The following ENTREP2 variants were observed in gnomAD, a reference collection of about 807,000 sequenced individuals.
ENTREP2 encodes the protein protein ENTREP2.
the ENTREP2 span, among the ~76,000 whole-genome samples, chr15:29,599,313 A>G: frequency 1.3e-5 from 2 of 152,226 alleles, no homozygotes; most frequent in Non-Finnish European, 1.5e-5. Context: ...TTAGACTAAT[A>G]AGGATGGAGA....
the ENTREP2 span, among the ~76,000 whole-genome samples, chr15:29,260,871 A>AACATAT: frequency 3.9e-5 from 6 of 152,358 alleles, no homozygotes; most frequent in Admixed American, 2.0e-4. Context: ...AAAAAGCATT[A>AACATAT]TTAGGAATAA....
the ENTREP2 span, among the ~76,000 whole-genome samples, chr15:29,466,938 C>A: frequency 1.6e-5 from 2 of 121,382 alleles, no homozygotes; most frequent in African/African-American, 6.3e-5. Flanking sequence ...GAGGATGCTG[C>A]AGCCCCCAGG....
the ENTREP2 span, among the ~76,000 whole-genome samples, chr15:29,318,529 C>T: frequency 6.6e-6 from 1 of 152,042 alleles, no homozygotes; most frequent in Non-Finnish European, 1.5e-5. Context: ...ACCGTGTTAG[C>T]CAGGATGGTC....
At chr15:29,488,571 T>C in the ENTREP2 span, among the ~76,000 whole-genome samples, 1 of 152,134 alleles carries the variant, frequency 6.6e-6, no homozygotes, top group South Asian at 2.1e-4. Context: ...AGAAGTTCAG[T>C]GAGTTTCAAG....
the ENTREP2 span, among the ~76,000 whole-genome samples, chr15:29,668,374 A>G: frequency 6.6e-6 from 1 of 152,164 alleles, no homozygotes; most frequent in Non-Finnish European, 1.5e-5. Flanking sequence ...AAAAAATTAA[A>G]CATATAATTA....
chr15:29,545,754 T>A, the ENTREP2 span, among the ~76,000 whole-genome samples: 1 of 152,196 alleles, frequency 6.6e-6, no homozygotes, highest in Non-Finnish European at 1.5e-5. Flanking sequence ...TCTGATGAAG[T>A]TAGAATACAT....
chr15:29,652,509 G>C, the ENTREP2 span, among the ~76,000 whole-genome samples: 2 of 152,364 alleles, frequency 1.3e-5, no homozygotes, highest in South Asian at 2.1e-4. Context: ...CCACATTGCA[G>C]GTGAAGAGTG....
chr15:29,290,626 G>A, the ENTREP2 span, among the ~76,000 whole-genome samples: 1 of 152,172 alleles, frequency 6.6e-6, no homozygotes, highest in Non-Finnish European at 1.5e-5. Context: ...ACACACAGAA[G>A]GCGCTCAGTA....
the ENTREP2 span, among the ~76,000 whole-genome samples, chr15:29,425,929 A>C: frequency 6.6e-6 from 1 of 151,488 alleles, no homozygotes; most frequent in Non-Finnish European, 1.5e-5. Context: ...TTAATTGCTT[A>C]CTTCTGCAGT....
the ENTREP2 span, chr15:29,610,511 A>G: frequency 6.6e-6 from 1 of 150,638 alleles, no homozygotes; most frequent in Non-Finnish European, 1.5e-5. Flanking sequence ...AAAAACAAAT[A>G]GCAAAAGCGG....
At chr15:29,508,126 T>G in the ENTREP2 span, among the ~76,000 whole-genome samples, 1,007 of 151,770 alleles carry the variant, frequency 6.6e-3, 5 homozygotes, top group African/African-American at 0.024. Context: ...AACACCTCTA[T>G]GCGAATAAGC....
At chr15:29,319,520 C>T in the ENTREP2 span, among the ~76,000 whole-genome samples, 1 of 152,234 alleles carries the variant, frequency 6.6e-6, no homozygotes, top group Admixed American at 6.5e-5. Context: ...ACATAAACCA[C>T]TGGGTGAGAA....
chr15:29,134,575 G>A, the ENTREP2 span, among the ~76,000 whole-genome samples: 5 of 152,196 alleles, frequency 3.3e-5, no homozygotes, highest in Non-Finnish European at 5.9e-5. Flanking sequence ...ACCTTACAGC[G>A]TCTGAATGCG....
At chr15:29,198,437 G>C in the ENTREP2 span, among the ~76,000 whole-genome samples, 2 of 152,280 alleles carry the variant, frequency 1.3e-5, no homozygotes, top group East Asian at 3.9e-4. Context: ...CCCACCAATA[G>C]GGTGTGAATT....
chr15:29,134,560 G>A, the ENTREP2 span, among the ~76,000 whole-genome samples: 11 of 152,174 alleles, frequency 7.2e-5, no homozygotes, highest in Admixed American at 1.3e-4. Flanking sequence ...CCCCAGGTGC[G>A]GGGCACCTTA....
At chr15:29,242,734 G>C in the ENTREP2 span, among the ~76,000 whole-genome samples, 36 of 152,312 alleles carry the variant, frequency 2.4e-4, no homozygotes, top group Non-Finnish European at 4.7e-4. Context: ...TGTAGCGAAT[G>C]ATGGGGAAAT....
chr15:29,409,299 T>C, the ENTREP2 span, among the ~76,000 whole-genome samples: 1 of 152,114 alleles, frequency 6.6e-6, no homozygotes, highest in Non-Finnish European at 1.5e-5. Flanking sequence ...TATTACATTG[T>C]TTTCATATTA....
the ENTREP2 span, among the ~76,000 whole-genome samples, chr15:29,645,516 T>C: frequency 2.6e-5 from 4 of 152,280 alleles, no homozygotes; most frequent in Non-Finnish European, 2.9e-5. Flanking sequence ...TTGTTCATGG[T>C]GGGGAACCAG....
the ENTREP2 span, among the ~76,000 whole-genome samples, chr15:29,580,050 T>C: frequency 6.6e-6 from 1 of 152,024 alleles, no homozygotes; most frequent in South Asian, 2.1e-4. Context: ...TTTTCCATGT[T>C]GCCAAGGCTG....
Sources: gnomAD v4.1 joint callset for allele counts (sites outside exome capture counted in the v4.1 genomes callset) on GRCh38, gnomAD v4.1.1 for gene constraint, MANE v1.5 for transcripts, NCBI Gene and HGNC (gene_info 2026-07-23, HGNC 2026-07-21) for gene names.